CAMK2G: variants seen among roughly 807,000 people sequenced by gnomAD.
CAMK2G encodes calcium/calmodulin dependent protein kinase II gamma.
A neutral mutation model predicts 88.7 loss-of-function variants in CAMK2G; 23 were observed. That is an observed-to-expected ratio of 0.26 (90% CI 0.19 to 0.37). The LOEUF (loss-of-function observed/expected upper bound fraction) is 0.37. Ranked by LOEUF, CAMK2G falls within the 10% of genes least tolerant of loss-of-function variation. CAMK2G has a pLI of 1.00. For missense variants in CAMK2G, 476 were observed against 780.8 expected (o/e 0.61, Z 4.65); for synonymous variants, 263 against 294.8 (o/e 0.89, Z 1.11).
chr10:73,860,688 A>C, intron 3 of CAMK2G, 142 bp downstream of exon 3: 1 of 686,688 alleles, frequency 1.5e-6, no homozygotes, highest in South Asian at 1.7e-5. Flanking sequence ...ATTCTGAGAC[A>C]CAGTTGCTAT....
intron 14 of CAMK2G, among the ~76,000 whole-genome samples, chr10:73,833,682 GC>G (rs536321550): frequency 3.8e-4 from 57 of 149,368 alleles, no homozygotes; most frequent in African/African-American, 1.4e-3. Flanking sequence ...GGCAACCTCT[GC>G]CCCCCGCAAG....
At chr10:73,829,998 C>T (rs1307604544) in intron 14 of CAMK2G, among the ~76,000 whole-genome samples, 1 of 152,190 alleles carries the variant, frequency 6.6e-6, no homozygotes, top group Non-Finnish European at 1.5e-5. Flanking sequence ...CTTTGTTCTG[C>T]TGATTTTCAG....
At chr10:73,831,375 T>A (rs1263377829) in intron 14 of CAMK2G, among the ~76,000 whole-genome samples, 1 of 151,310 alleles carries the variant, frequency 6.6e-6, no homozygotes, top group African/African-American at 2.4e-5. Flanking sequence ...CCGTCTCTAC[T>A]AAAAATATAA....
intron 2 of CAMK2G, among the ~76,000 whole-genome samples, chr10:73,864,465 T>G (rs887061131): frequency 6.6e-6 from 1 of 152,080 alleles, no homozygotes; most frequent in Non-Finnish European, 1.5e-5. Flanking sequence ...CAACAGCACG[T>G]TAGATGTCAC....
rs967908479 is a variant in CAMK2G at position 73,817,558 on chromosome 10, T to G, written c.1364-4A>C. On this transcript the variant is annotated splice_region_variant and splice_polypyrimidine_tract_variant and intron_variant, in intron 19 of 22. Transcript: ENST00000423381. ...TTAATGATCTCCTGTTTTCGCACTGTGGGGGAGAAAAATCCATCAATTTAC... is the reference window on the plus strand; with the variant it reads ...TTAATGATCTCCTGTTTTCGCACTGGGGGGGAGAAAAATCCATCAATTTAC... The G allele has an allele frequency of 6.8e-6, 11 of 1,608,352 alleles. No homozygotes were observed. The highest frequency in any genetic ancestry group is 1.1e-5 in the South Asian group (1 of 90,964).
chr10:73,834,043 C>A (rs568538729), intron 14 of CAMK2G, among the ~76,000 whole-genome samples: 1 of 151,190 alleles, frequency 6.6e-6, no homozygotes, highest in Admixed American at 6.6e-5. Flanking sequence ...CTCAACCTCC[C>A]AAGTAGCTGG....
intron 5 of CAMK2G, among the ~76,000 whole-genome samples, chr10:73,851,483 CG>C (rs1198634199): frequency 1.3e-5 from 2 of 152,016 alleles, no homozygotes; most frequent in Admixed American, 1.3e-4. Context: ...TGAAAGCTCC[CG>C]GGGCTCTATG....
chr10:73,848,941 A>G lies in CAMK2G; in HGVS notation c.517+72T>C. 1 of 984,506 alleles carries G rather than the reference A, an allele frequency of 1.0e-6. No individual in the cohort carries two copies. Among genetic ancestry groups the G allele is most frequent in the South Asian group, 1.3e-5 (1 of 78,248 alleles). The allele number at this position is 984,506 out of a possible 1,614,324, so 61.0% of individuals were successfully genotyped here. A position where few individuals can be genotyped will look rare whatever the true frequency, so the allele number is the denominator to read the frequency against. ...CATTAAGGGTCTGGCTTCTAGTTCT[A>G]ATAGAGGAAGGCAGATCAGGAAGAG... On this transcript the variant is annotated intron_variant, in intron 7 of 22. Coordinates refer to ENST00000423381, the MANE Select transcript of CAMK2G (RefSeq NM_001367534.1). This position sits in a 1 kb window ranked among gnomAD's most constrained non-coding sequence, Gnocchi z 4.5.
chr10:73,847,183 C>T, intron 10 of CAMK2G, 42 bp downstream of exon 10: 1 of 1,606,782 alleles, frequency 6.2e-7, no homozygotes, highest in Non-Finnish European at 8.5e-7. Flanking sequence ...ACACAGAAGG[C>T]TGACACCCCT....
rs377004882 is a variant in CAMK2G, at chr10:73,832,365, G to A, written c.1054-4244C>T. Among the ~76,000 whole-genome samples the A allele has an allele frequency of 5.9e-5, 9 of 151,878 alleles. No individual in the cohort carries two copies. In the East Asian group the frequency reaches 9.7e-4, roughly 16 times the overall value. On this transcript the variant is annotated intron_variant, in intron 14 of 22. Transcript: ENST00000423381. ...TGCTCTGTCACCAGGCTGGAGTGCA[G>A]TGGCGCACTTGGCTCACCGCAACCT...
chr10:73,814,398 A>G lies in CAMK2G; in HGVS notation c.*120T>C, dbSNP rs918469304. The stretch of plus-strand genomic sequence containing the variant: ...GTGCATTGGCTGCTGCCGCTTTTGT[A>G]ATTGAATTGTTTTAAACCTCAAACA... On this transcript the variant is annotated 3_prime_UTR_variant, in exon 23 of 23. Transcript: ENST00000423381. 3 of 152,652 alleles carry G rather than the reference A, an allele frequency of 2.0e-5. No homozygotes were observed. The highest frequency in any genetic ancestry group is 1.3e-4 in the Admixed American group (2 of 15,324). The allele number at this position is 152,652 out of a possible 1,614,324, so 9.5% of individuals were successfully genotyped here.
At position 73,849,145 on chromosome 10, in the gene CAMK2G, G is replaced by A. The variant is rs771221750; in HGVS notation, c.415-30C>T. 4 of 1,593,814 alleles carry A rather than the reference G, an allele frequency of 2.5e-6. 1 individual carries two copies. In the South Asian group the frequency reaches 4.4e-5, roughly 18 times the overall value. On this transcript the variant is annotated intron_variant, in intron 6 of 22. Coordinates refer to ENST00000423381, the MANE Select transcript of CAMK2G (RefSeq NM_001367534.1). The stretch of plus-strand genomic sequence containing the variant: ...AGAAGAAACACAGAGAACCTTGTGA[G>A]CACCCACCCTGCAGCCCAGAGGAAG...
chr10:73,824,884 G>A (rs1023481385), intron 16 of CAMK2G, among the ~76,000 whole-genome samples: 1 of 152,188 alleles, frequency 6.6e-6, no homozygotes, highest in Non-Finnish European at 1.5e-5. Context: ...GCTGAGGCAG[G>A]TTTTACAAGG....
At chr10:73,822,729 G>A (rs2089406216) in intron 17 of CAMK2G, among the ~76,000 whole-genome samples, 2 of 152,070 alleles carry the variant, frequency 1.3e-5, no homozygotes, top group Admixed American at 1.3e-4. Flanking sequence ...AGGGCACTCA[G>A]CCTCAGAGCT....
intron 2 of CAMK2G, among the ~76,000 whole-genome samples, chr10:73,861,262 G>A (rs2095359624): frequency 6.6e-6 from 1 of 152,248 alleles, no homozygotes; most frequent in Non-Finnish European, 1.5e-5. Context: ...TCGAGCCAGT[G>A]AGCAGCAGAG....
chr10:73,816,627 T>G, intron 21 of CAMK2G: 1 of 656,878 alleles, frequency 1.5e-6, no homozygotes, highest in Non-Finnish European at 2.2e-6. Flanking sequence ...GCCCGGCTAA[T>G]TTTTTGTATT....
At chr10:73,817,394 TC>T in intron 20 of CAMK2G, 84 bp downstream of exon 20, 2 of 1,029,116 alleles carry the variant, frequency 1.9e-6, no homozygotes, top group Non-Finnish European at 3.1e-6. Context: ...AACCTCCCTT[TC>T]CCCAGGGTCC....
chr10:73,862,244 C>T (rs1476907309), intron 2 of CAMK2G, among the ~76,000 whole-genome samples: 2 of 147,396 alleles, frequency 1.4e-5, no homozygotes, highest in African/African-American at 5.0e-5. Flanking sequence ...TCACCTCCTT[C>T]ATGAAGTCTT....
intron 2 of CAMK2G, among the ~76,000 whole-genome samples, chr10:73,869,653 T>G (rs1345298254): frequency 6.6e-6 from 1 of 152,362 alleles, no homozygotes; most frequent in East Asian, 1.9e-4. Context: ...GGCCTGCCCA[T>G]GCAGAAGTAT....
Sources: gnomAD v4.1 joint callset for allele counts (sites outside exome capture counted in the v4.1 genomes callset) on GRCh38, gnomAD v4.1.1 for gene constraint, Gnocchi (gnomAD v3.1) non-coding constraint, MANE v1.5 for transcripts, NCBI Gene and HGNC (gene_info 2026-07-23, HGNC 2026-07-21) for gene names.